LOC400499: variants seen among roughly 807,000 people sequenced by gnomAD.
At chr16:11,427,824 T>C in the LOC400499 span, among the ~76,000 whole-genome samples, 2 of 152,198 alleles carry the variant, frequency 1.3e-5, no homozygotes, top group African/African-American at 4.8e-5. Flanking sequence ...GCAGGGAGAA[T>C]TGTAAGCACA....
chr16:11,406,722 G>A, the LOC400499 span, among the ~76,000 whole-genome samples: 4 of 152,334 alleles, frequency 2.6e-5, no homozygotes, highest in Middle Eastern at 3.4e-3. Flanking sequence ...GCGAGCCACC[G>A]TGCCCGGCCT....
chr16:11,419,455 T>A, the LOC400499 span, among the ~76,000 whole-genome samples: 1 of 150,300 alleles, frequency 6.7e-6, no homozygotes, highest in African/African-American at 2.5e-5. Context: ...TAATTCAAGA[T>A]GGATTAAAGA....
At chr16:11,518,478 C>T in the LOC400499 span, among the ~76,000 whole-genome samples, 1 of 152,056 alleles carries the variant, frequency 6.6e-6, no homozygotes, top group African/African-American at 2.4e-5. Context: ...AGGCAGACCT[C>T]CATGGGCCCG....
At chr16:11,446,610 G>A in the LOC400499 span, 39 of 1,535,996 alleles carry the variant, frequency 2.5e-5, no homozygotes, top group Middle Eastern at 1.7e-4. Context: ...CTTTGCCATC[G>A]TATGGATGCA....
chr16:11,490,449 C>T, the LOC400499 span, among the ~76,000 whole-genome samples: 1 of 150,330 alleles, frequency 6.7e-6, no homozygotes, highest in Non-Finnish European at 1.5e-5. Context: ...CCTGTAATCC[C>T]AGCACTTTGG....
chr16:11,526,561 A>C, the LOC400499 span, among the ~76,000 whole-genome samples: 2 of 152,230 alleles, frequency 1.3e-5, no homozygotes, highest in Non-Finnish European at 2.9e-5. Flanking sequence ...ATACACATTA[A>C]ATGTTGAATG....
the LOC400499 span, among the ~76,000 whole-genome samples, chr16:11,412,172 C>T: frequency 5.3e-5 from 8 of 152,106 alleles, no homozygotes; most frequent in African/African-American, 1.7e-4. Flanking sequence ...GCCTCTCTCC[C>T]CTGTTGCTAA....
At chr16:11,396,469 A>T in the LOC400499 span, 8 of 1,231,760 alleles carry the variant, frequency 6.5e-6, no homozygotes, top group Non-Finnish European at 8.1e-6. Context: ...GGATGCCGGG[A>T]TATCTTTCCC....
chr16:11,384,061 C>A, the LOC400499 span: 1 of 1,231,694 alleles, frequency 8.1e-7, no homozygotes, highest in Non-Finnish European at 1.0e-6. Flanking sequence ...GTGGCTCCCC[C>A]GCGTACACTG....
chr16:11,501,949 C>G, the LOC400499 span: 1 of 395,022 alleles, frequency 2.5e-6, no homozygotes, highest in East Asian at 3.6e-5. Flanking sequence ...AAGTCAGTGT[C>G]AAGGGGACGG....
At chr16:11,423,389 G>C in the LOC400499 span, 9 of 397,224 alleles carry the variant, frequency 2.3e-5, no homozygotes, top group East Asian at 1.8e-4. Flanking sequence ...CCCAAAGAGA[G>C]GTTTGCACAG....
At chr16:11,432,973 C>T in the LOC400499 span, among the ~76,000 whole-genome samples, 2 of 152,152 alleles carry the variant, frequency 1.3e-5, no homozygotes, top group East Asian at 3.8e-4. Context: ...CTAGCTTCCT[C>T]GTGTATCTTT....
chr16:11,399,770 T>C, the LOC400499 span: 7 of 398,656 alleles, frequency 1.8e-5, no homozygotes, highest in Admixed American at 4.4e-5. Context: ...TCAGCCCAGG[T>C]GAGCTGCAGC....
chr16:11,451,379 A>C, the LOC400499 span, among the ~76,000 whole-genome samples: 1 of 152,196 alleles, frequency 6.6e-6, no homozygotes, highest in African/African-American at 2.4e-5. Flanking sequence ...TAGGAGTTTG[A>C]GTCTAGCCTG....
the LOC400499 span, chr16:11,399,146 C>G: frequency 4.4e-6 from 4 of 916,418 alleles, no homozygotes; most frequent in African/African-American, 7.2e-5. Flanking sequence ...GGAGACCAGA[C>G]CTGATGCCTC....
chr16:11,443,933 C>A, the LOC400499 span, among the ~76,000 whole-genome samples: 1 of 151,774 alleles, frequency 6.6e-6, no homozygotes, highest in Non-Finnish European at 1.5e-5. Flanking sequence ...CTCCCAGTTT[C>A]AAGTGACTCT....
the LOC400499 span, among the ~76,000 whole-genome samples, chr16:11,378,180 C>G: frequency 1.3e-5 from 2 of 151,708 alleles, no homozygotes; most frequent in South Asian, 2.1e-4. Flanking sequence ...CAAGCAGTCT[C>G]CTGGCCTCGG....
chr16:11,387,301 G>C, the LOC400499 span: 1 of 1,232,260 alleles, frequency 8.1e-7, no homozygotes, highest in Non-Finnish European at 1.0e-6. Flanking sequence ...GGTTCCTGCA[G>C]GGAATGCAGA....
chr16:11,507,944 T>G, the LOC400499 span, among the ~76,000 whole-genome samples: 22 of 152,124 alleles, frequency 1.4e-4, no homozygotes, highest in African/African-American at 5.3e-4. Context: ...AAAAAAAAAT[T>G]GTAGAACATT....
Sources: allele counts gnomAD v4.1 joint callset (sites outside exome capture counted in the v4.1 genomes callset), GRCh38; gene constraint gnomAD v4.1.1; transcripts MANE v1.5.